RASGRF2: variants seen among roughly 807,000 people sequenced by gnomAD.
The protein encoded by RASGRF2 is Ras protein specific guanine nucleotide releasing factor 2.
In RASGRF2, 76 loss-of-function variants were observed where a neutral mutation model predicts 151.0. The observed-to-expected ratio is 0.50, with a 90% CI of 0.42 to 0.61. The LOEUF (loss-of-function observed/expected upper bound fraction) is 0.61. RASGRF2 is among the 20% of genes least tolerant of loss of function. RASGRF2 has a pLI of 0.00. For synonymous variants in RASGRF2, 504 were observed against 566.5 expected (o/e 0.89, Z 1.57); for missense variants, 1,148 against 1,564.6 (o/e 0.73, Z 4.49).
At chr5:81,103,820 T>C (rs1752768888) in intron 12 of RASGRF2, among the ~76,000 whole-genome samples, 1 of 152,170 alleles carries the variant, frequency 6.6e-6, no homozygotes, top group Admixed American at 6.5e-5. Flanking sequence ...ACCTCTTAAA[T>C]GTATACATAT....
intron 17 of RASGRF2, among the ~76,000 whole-genome samples, chr5:81,129,118 ACT>A (rs1367619866): frequency 6.6e-6 from 1 of 152,154 alleles, no homozygotes; most frequent in African/African-American, 2.4e-5. Flanking sequence ...ACAGGGTGAG[ACT>A]CTGTCTCAAA....
At chr5:81,119,414 A>T (rs1342920990) in intron 15 of RASGRF2, among the ~76,000 whole-genome samples, 1 of 152,246 alleles carries the variant, frequency 6.6e-6, no homozygotes, top group Admixed American at 6.5e-5. Flanking sequence ...AGATAAAGGC[A>T]TTCATTCATT....
At chr5:81,074,723 G>A (rs1751885742) in intron 5 of RASGRF2, among the ~76,000 whole-genome samples, 1 of 152,146 alleles carries the variant, frequency 6.6e-6, no homozygotes, top group African/African-American at 2.4e-5. Context: ...ATCTGTGAAT[G>A]TACCATAGTT....
chr5:80,992,001 G>A (rs558290573), intron 1 of RASGRF2, among the ~76,000 whole-genome samples: 1 of 152,230 alleles, frequency 6.6e-6, no homozygotes, highest in East Asian at 1.9e-4. Flanking sequence ...ATTCCCATTA[G>A]GAAGGTCATA....
At chr5:81,007,162 G>A (rs1287511935) in intron 1 of RASGRF2, among the ~76,000 whole-genome samples, 1 of 152,138 alleles carries the variant, frequency 6.6e-6, no homozygotes, top group Non-Finnish European at 1.5e-5. Context: ...GTTAGATGTG[G>A]CTTCTCATTC....
chr5:81,148,980 G>A (rs1454116994), intron 17 of RASGRF2, among the ~76,000 whole-genome samples: 5 of 151,958 alleles, frequency 3.3e-5, no homozygotes, highest in Admixed American at 3.3e-4. Flanking sequence ...TGCAAGAATG[G>A]CCATAATTTA....
At chr5:80,961,941 TC>T (rs1747573317) in intron 1 of RASGRF2, among the ~76,000 whole-genome samples, 1 of 152,166 alleles carries the variant, frequency 6.6e-6, no homozygotes, top group Non-Finnish European at 1.5e-5. Flanking sequence ...AGCTTCTCAA[TC>T]CCCACCTTGA....
rs997271753 is a variant in RASGRF2 at position 81,080,769 on chromosome 5, T to A, written c.1141T>A (p.Leu381Met). Residue 381 changes from leucine to methionine, a missense_variant, in exon 7 of 27, where the codon TTG (leucine) becomes ATG (methionine). This residue lies in a region of RASGRF2 where 176 missense variants were observed against 309.6 expected (regional missense o/e 0.57). Coordinates refer to ENST00000265080, the MANE Select transcript of RASGRF2 (RefSeq NM_006909.3). ...TGAGGGGAGGATGCTGGAGACATTC[T>A]TGACCTATCCCATGTTTCAGGTAAG... is the stretch of plus-strand genomic sequence containing the variant. ...ACEGRMLETF[L>M]TYPMFQIPRY... The A allele has an allele frequency of 6.2e-7, 1 of 1,613,668 alleles. No homozygotes were observed. Among genetic ancestry groups the A allele is most frequent in the Non-Finnish European group, 8.5e-7 (1 of 1,179,890 alleles).
chr5:81,143,187 C>T (rs542643011), intron 17 of RASGRF2, among the ~76,000 whole-genome samples: 3 of 151,928 alleles, frequency 2.0e-5, no homozygotes, highest in Non-Finnish European at 2.9e-5. Flanking sequence ...CTCACTCTGT[C>T]GCACAGGCTA....
At chr5:81,020,433 A>T (rs1161531271) in intron 1 of RASGRF2, among the ~76,000 whole-genome samples, 1 of 152,148 alleles carries the variant, frequency 6.6e-6, no homozygotes, top group Non-Finnish European at 1.5e-5. Flanking sequence ...ATCGTGTATG[A>T]CTGCGTGAAA....
intron 13 of RASGRF2, 62 bp from the exon 14 acceptor site, chr5:81,112,548 T>A (rs1753025450): frequency 9.4e-6 from 15 of 1,602,728 alleles, no homozygotes; most frequent in Non-Finnish European, 1.1e-5. Flanking sequence ...GCTGAAATAT[T>A]CAGTGGCCGA....
intron 17 of RASGRF2, among the ~76,000 whole-genome samples, chr5:81,179,183 T>A (rs1216904867): frequency 6.6e-6 from 1 of 152,178 alleles, no homozygotes; most frequent in African/African-American, 2.4e-5. Context: ...TTCTTGATAA[T>A]GAAAAGGTAG....
intron 17 of RASGRF2, among the ~76,000 whole-genome samples, chr5:81,146,060 T>C (rs1056046862): frequency 1.3e-5 from 2 of 152,208 alleles, no homozygotes; most frequent in Non-Finnish European, 2.9e-5. Flanking sequence ...TGTTTTGAAA[T>C]TGAGGGAGTA....
At chr5:81,079,993 T>C in intron 5 of RASGRF2, 128 bp from the exon 6 acceptor site, 1 of 1,190,478 alleles carries the variant, frequency 8.4e-7, no homozygotes, top group Non-Finnish European at 1.1e-6. Context: ...ATGTTATTAT[T>C]GGGTATAGTT....
chr5:81,204,624 A>G (rs1044529384), intron 19 of RASGRF2, among the ~76,000 whole-genome samples: 2 of 152,192 alleles, frequency 1.3e-5, no homozygotes, highest in Non-Finnish European at 2.9e-5. Context: ...CTCCTCCTCC[A>G]AAGTTGTCTA....
intron 2 of RASGRF2, among the ~76,000 whole-genome samples, chr5:81,053,716 G>A (rs189210232): frequency 6.6e-6 from 1 of 152,168 alleles, no homozygotes; most frequent in South Asian, 2.1e-4. Flanking sequence ...CTTCCACAAT[G>A]GTTGAACTAG....
At chr5:80,961,747 T>A (rs1358032972) in intron 1 of RASGRF2, among the ~76,000 whole-genome samples, 1 of 152,224 alleles carries the variant, frequency 6.6e-6, no homozygotes, top group Non-Finnish European at 1.5e-5. Context: ...GACCTTTTAA[T>A]TCTGGGTCAT....
At chr5:81,081,468 G>A (rs17277296) in intron 7 of RASGRF2, among the ~76,000 whole-genome samples, 11,486 of 152,174 alleles carry the variant, frequency 0.075, 444 homozygotes, top group South Asian at 0.13. Flanking sequence ...ACCGTTAAGC[G>A]CCCAGAAGTG....
chr5:81,159,280 G>A (rs995583136), intron 17 of RASGRF2, among the ~76,000 whole-genome samples: 1 of 152,236 alleles, frequency 6.6e-6, no homozygotes, highest in Non-Finnish European at 1.5e-5. Flanking sequence ...AAATATTTCA[G>A]ATTTGTGGAC....
Sources: allele counts gnomAD v4.1 joint callset (sites outside exome capture counted in the v4.1 genomes callset), GRCh38; gene constraint gnomAD v4.1.1; regional missense constraint gnomAD v4.1.1; transcripts MANE v1.5; gene names NCBI Gene and HGNC (gene_info 2026-07-23, HGNC 2026-07-21).